NET1: variants seen among roughly 807,000 people sequenced by gnomAD.
The protein encoded by NET1 is neuroepithelial cell-transforming gene 1 protein.
Under a neutral mutation model 61.1 loss-of-function variants are expected in NET1, and 42 were observed. The observed-to-expected ratio is 0.69, with a 90% confidence interval of 0.54 to 0.89. NET1 has a LOEUF of 0.89. NET1 is among the 40% of genes least tolerant of loss of function. The pLI is 0.00. For missense variants in NET1, 654 were observed against 747.3 expected (o/e 0.88, Z 1.46); for synonymous variants, 254 against 281.8 (o/e 0.90, Z 0.99).
At position 5,453,267 on chromosome 10, in the gene NET1, G is replaced by A; in HGVS notation, c.612G>A (p.Met204Ile). 1 of 1,607,914 alleles carries A rather than the reference G, an allele frequency of 6.2e-7. No individual in the cohort carries two copies. The highest frequency in any genetic ancestry group is 8.5e-7 in the Non-Finnish European group (1 of 1,174,464). The change falls in exon 7 of 12, where the codon ATG becomes ATA. Residue 204 changes from methionine (M) to isoleucine (I), a missense_variant. Physicochemically the swap from Met to Ile is conservative, Grantham distance 10. Transcript: ENST00000355029. The surrounding 1 kb of genome is among the most constrained non-coding windows in gnomAD (Gnocchi z 4.9). Reference sequence around the variant, plus strand: ...TCTGACAGGCCTATCATGACCCCATGTTAAAGTTGTCCATCATGTCAGAAG... The same window carrying A: ...TCTGACAGGCCTATCATGACCCCATATTAAAGTTGTCCATCATGTCAGAAG... ...KLARKAYHDPMLKLSIMSEEE... is the reference protein window; with the variant it reads ...KLARKAYHDPILKLSIMSEEE...
Position 5,439,069 on chromosome 10 carries a change from A to T in NET1, c.255+9840A>T, listed in dbSNP as rs1166545349. On this transcript the variant is annotated intron_variant, in intron 3 of 11. Transcript: ENST00000355029. The surrounding 1 kb of genome is among the most constrained non-coding windows in gnomAD (Gnocchi z 4.8). ...GGCCCATCCATATGCCTCTTCTCCA[A>T]AATTGATTTCTACCTTTTCAATCTT... 1.3e-5 allele frequency among the ~76,000 whole-genome samples: 2 copies of T among 152,200 alleles called. No individual in the cohort carries two copies. The highest frequency in any genetic ancestry group is 2.9e-5 in the Non-Finnish European group (2 of 68,026).
At position 5,456,730 on chromosome 10, in the gene NET1, A is replaced by G. The variant is rs79837777; in HGVS notation, c.1527A>G (p.Pro509=). ...AIAPFQSAGS[P]PELQGLPELH... Reference sequence around the variant, plus strand: ...CCCCCTTCCAGTCGGCAGGCAGTCCACCTGAGCTGCAGGGCCTGCCGGAGC... The same window carrying G: ...CCCCCTTCCAGTCGGCAGGCAGTCCGCCTGAGCTGCAGGGCCTGCCGGAGC... The change falls in exon 12 of 12, where the codon CCA becomes CCG. Residue 509 remains proline (P), a synonymous_variant. Coordinates refer to ENST00000355029, the MANE Select transcript of NET1 (RefSeq NM_001047160.3). The surrounding 1 kb of genome is among the most constrained non-coding windows in gnomAD (Gnocchi z 7.0). 8,332 of 1,614,122 alleles carry G rather than the reference A, an allele frequency of 5.2e-3. 262 individuals carry two copies. In the East Asian group the frequency reaches 0.083, roughly 16 times the overall value.
chr10:5,414,278 T>C (rs1031981705), intron 1 of NET1, among the ~76,000 whole-genome samples: 46 of 152,208 alleles, frequency 3.0e-4, no homozygotes, highest in African/African-American at 1.1e-3. Flanking sequence ...AGTTTGGGTT[T>C]TATCTTCATG....
rs1187757493 is a variant in NET1 at position 5,439,988 on chromosome 10, C to T, written c.255+10759C>T. Reference sequence around the variant, plus strand: ...GCCTAGAAGATGCAAGGTGCAACACCTGTCCTTTCCTGTAGCGGGGAGATC... The same window carrying T: ...GCCTAGAAGATGCAAGGTGCAACACTTGTCCTTTCCTGTAGCGGGGAGATC... On this transcript the variant is annotated intron_variant, in intron 3 of 11. Coordinates refer to ENST00000355029, the MANE Select transcript of NET1 (RefSeq NM_001047160.3). The surrounding 1 kb of genome is among the most constrained non-coding windows in gnomAD (Gnocchi z 4.8). Among the ~76,000 whole-genome samples the T allele has an allele frequency of 6.6e-6, 1 of 152,208 alleles. No individual in the cohort carries two copies. Among genetic ancestry groups the T allele is most frequent in the Non-Finnish European group, 1.5e-5 (1 of 68,026 alleles).
intron 3 of NET1, among the ~76,000 whole-genome samples, chr10:5,430,621 G>A (rs1203967125): frequency 1.3e-5 from 2 of 152,110 alleles, no homozygotes; most frequent in Admixed American, 6.5e-5. Context: ...CCCACAAAGT[G>A]CTGGGATTAC....
At position 5,428,050 on chromosome 10, in the gene NET1, T is replaced by C. The variant is rs1008305007; in HGVS notation, c.196-1120T>C. 2.9e-3 allele frequency among the ~76,000 whole-genome samples: 422 copies of C among 144,306 alleles called. 15 individuals are homozygous for C. Among genetic ancestry groups the C allele is most frequent in the African/African-American group, 7.3e-3 (286 of 39,314 alleles). The allele number at this position is 144,306 out of a possible 152,430, so 94.7% of individuals were successfully genotyped here. On this transcript the variant is annotated intron_variant, in intron 2 of 11. Coordinates refer to ENST00000355029, the MANE Select transcript of NET1 (RefSeq NM_001047160.3). ...GACTTTGCCGTTCCTTTTTTTTTTT[T>C]TTTTTTTTTTTTTTTTTCTTCTCTA... is the stretch of plus-strand genomic sequence containing the variant.
In NET1 at chr10:5,440,363, C is replaced by T. The variant is rs150893647; in HGVS notation, c.255+11134C>T. ...AGTAACCACAACCATAACCATGTAA[C>T]AAATGCTAGATGATTTGTTGGTCTG... On this transcript the variant is annotated intron_variant, in intron 3 of 11. Coordinates refer to ENST00000355029, the MANE Select transcript of NET1 (RefSeq NM_001047160.3). This position sits in a 1 kb window ranked among gnomAD's most constrained non-coding sequence, Gnocchi z 4.1. Among the ~76,000 whole-genome samples the T allele has an allele frequency of 6.6e-6, 1 of 152,320 alleles. No individual in the cohort carries two copies. The highest frequency in any genetic ancestry group is 2.4e-5 in the African/African-American group (1 of 41,560).
chr10:5,434,460 T>G (rs1832394550), intron 3 of NET1, among the ~76,000 whole-genome samples: 2 of 152,164 alleles, frequency 1.3e-5, no homozygotes, highest in African/African-American at 4.8e-5. Flanking sequence ...CTTCAGAGCC[T>G]TTCCCAGATG....
chr10:5,436,186 TTG>T (rs139070024), intron 3 of NET1, among the ~76,000 whole-genome samples: 100 of 21,280 alleles, frequency 4.7e-3, no homozygotes, highest in African/African-American at 0.016. Context: ...TGTGTGTGTG[TTG>T]TGTGTGTGTG....
chr10:5,419,281 T>A (rs1257004491), intron 1 of NET1, among the ~76,000 whole-genome samples: 1 of 151,840 alleles, frequency 6.6e-6, no homozygotes, highest in Non-Finnish European at 1.5e-5. Context: ...GTGTGTCTCC[T>A]GTGGACAGCA....
Position 5,453,475 on chromosome 10 carries a change from T to C in NET1, c.692-9T>C. 6.2e-7 allele frequency: 1 copy of C among 1,614,048 alleles called. No individual in the cohort carries two copies. Among genetic ancestry groups the C allele is most frequent in the African/African-American group, 1.3e-5 (1 of 75,062 alleles). ...TGTTAATGGTGTTTATGCTTTTTTA[T>C]CACTTCAGATTTGTTGACAAGAATA... is the stretch of plus-strand genomic sequence containing the variant. On this transcript the variant is annotated splice_polypyrimidine_tract_variant and intron_variant, in intron 7 of 11. Transcript: ENST00000355029. This position sits in a 1 kb window ranked among gnomAD's most constrained non-coding sequence, Gnocchi z 4.9.
rs190023510 is a variant in NET1 at position 5,426,286 on chromosome 10, T to A, written c.129-369T>A. 6.6e-6 allele frequency among the ~76,000 whole-genome samples: 1 copy of A among 152,316 alleles called. No homozygotes were observed. The highest frequency in any genetic ancestry group is 1.5e-5 in the Non-Finnish European group (1 of 68,016). ...ACTATACGTGAATATGTTGCTAAATTTTTTGCACTTAGGAAGTTTGTTTGC... is the reference window on the plus strand; with the variant it reads ...ACTATACGTGAATATGTTGCTAAATATTTTGCACTTAGGAAGTTTGTTTGC... On this transcript the variant is annotated intron_variant, in intron 1 of 11. Coordinates refer to ENST00000355029, the MANE Select transcript of NET1 (RefSeq NM_001047160.3). The surrounding 1 kb of genome is among the most constrained non-coding windows in gnomAD (Gnocchi z 4.6).
At position 5,417,695 on chromosome 10, in the gene NET1, G is replaced by A. The variant is rs1199570724; in HGVS notation, c.128+4875G>A. On this transcript the variant is annotated intron_variant, in intron 1 of 11. Transcript: ENST00000355029. This position sits in a 1 kb window ranked among gnomAD's most constrained non-coding sequence, Gnocchi z 5.5. ...CTCTTTCCTAATTGCCCTGGGTAGG[G>A]CCTCCTGTACAACGCTGAACAGAAG... 6.6e-6 allele frequency among the ~76,000 whole-genome samples: 1 copy of A among 152,060 alleles called. No homozygotes were observed. The highest frequency in any genetic ancestry group is 1.5e-5 in the Non-Finnish European group (1 of 68,002).
Position 5,456,642 on chromosome 10 carries a change from C to G in NET1, c.1439C>G (p.Thr480Ser), listed in dbSNP as rs754039301. 5.6e-6 allele frequency: 9 copies of G among 1,608,402 alleles called. No individual in the cohort carries two copies. The highest frequency in any genetic ancestry group is 1.3e-5 in the African/African-American group (1 of 74,596). The change falls in exon 12 of 12, where the codon ACT becomes AGT. Residue 480 changes from threonine (T) to serine (S), a missense_variant. Coordinates refer to ENST00000355029, the MANE Select transcript of NET1 (RefSeq NM_001047160.3). The surrounding 1 kb of genome is among the most constrained non-coding windows in gnomAD (Gnocchi z 7.0). ...FHDPSPAQSH[T>S]LQANDVFHKQ... ...GACCCCTCTCCAGCCCAGTCTCACACTCTGCAAGCCAATGACGTGTTCCAC... is the reference window on the plus strand; with the variant it reads ...GACCCCTCTCCAGCCCAGTCTCACAGTCTGCAAGCCAATGACGTGTTCCAC...
At chr10:5,419,307 G>T (rs953305780) in intron 1 of NET1, among the ~76,000 whole-genome samples, 1 of 78,262 alleles carries the variant, frequency 1.3e-5, no homozygotes, top group Non-Finnish European at 2.8e-5. Context: ...TTGGATCTTG[G>T]TTGGTTGGTT....
rs1170071768 is a variant in NET1 at position 5,456,793 on chromosome 10, G to C, written c.1590G>C (p.Arg530Ser). 5 of 1,613,098 alleles carry C rather than the reference G, an allele frequency of 3.1e-6. No homozygotes were observed. Among genetic ancestry groups the C allele is most frequent in the African/African-American group, 1.3e-5 (1 of 74,898 alleles). ...EECEGNHPSA[R>S]KLTAQRRAST... ...GTGAGGGGAACCACCCCTCTGCGAG[G>C]AAACTCACAGCCCAGAGGAGGGCAT... is the stretch of plus-strand genomic sequence containing the variant. Residue 530 changes from arginine to serine, a missense_variant, in exon 12 of 12, where the codon AGG becomes AGC. Arg to Ser is a moderately radical substitution (Grantham distance 110). Coordinates refer to ENST00000355029, the MANE Select transcript of NET1 (RefSeq NM_001047160.3). The surrounding 1 kb of genome is among the most constrained non-coding windows in gnomAD (Gnocchi z 7.0).
chr10:5,417,363 C>T lies in NET1; in HGVS notation c.128+4543C>T, dbSNP rs1362123237. Among the ~76,000 whole-genome samples the T allele has an allele frequency of 6.6e-6, 1 of 152,110 alleles. No homozygotes were observed. Among genetic ancestry groups the T allele is most frequent in the East Asian group, 1.9e-4 (1 of 5,184 alleles). ...TGGGTAGGAAAACAGAAATGCCTATCCTCACTTAGGTCCGTGGGCCCAGGC... is the reference window on the plus strand; with the variant it reads ...TGGGTAGGAAAACAGAAATGCCTATTCTCACTTAGGTCCGTGGGCCCAGGC... On this transcript the variant is annotated intron_variant, in intron 1 of 11. Transcript: ENST00000355029. The surrounding 1 kb of genome is among the most constrained non-coding windows in gnomAD (Gnocchi z 5.5).
At chr10:5,430,760 TC>T (rs1289815055) in intron 3 of NET1, among the ~76,000 whole-genome samples, 2 of 152,160 alleles carry the variant, frequency 1.3e-5, no homozygotes, top group African/African-American at 2.4e-5. Flanking sequence ...ATTTTCTTGA[TC>T]TTGTTTGTGT....
In NET1 at chr10:5,422,223, G is replaced by A. The variant is rs946876199; in HGVS notation, c.129-4432G>A. 6.6e-6 allele frequency among the ~76,000 whole-genome samples: 1 copy of A among 152,012 alleles called. No homozygotes were observed. Among genetic ancestry groups the A allele is most frequent in the African/African-American group, 2.4e-5 (1 of 41,378 alleles). On this transcript the variant is annotated intron_variant, in intron 1 of 11. Coordinates refer to ENST00000355029, the MANE Select transcript of NET1 (RefSeq NM_001047160.3). The surrounding 1 kb of genome is among the most constrained non-coding windows in gnomAD (Gnocchi z 4.1). ...ATGGTGGCGTGCCCCTGTAATCCTA[G>A]CTACTCGGGAGATTGAGGCAGGAGA...
Sources: allele counts gnomAD v4.1 joint callset (sites outside exome capture counted in the v4.1 genomes callset), GRCh38; gene constraint gnomAD v4.1.1; non-coding constraint Gnocchi (gnomAD v3.1); transcripts MANE v1.5; gene names NCBI Gene and HGNC (gene_info 2026-07-23, HGNC 2026-07-21).